Variants in ELAVL2 observed in about 807,000 individuals in gnomAD.
The protein encoded by ELAVL2 is ELAV like RNA binding protein 2.
Under a neutral mutation model 34.6 loss-of-function variants are expected in ELAVL2, and 4 were observed. The observed-to-expected ratio is 0.12, with a 90% CI of 0.06 to 0.26. The LOEUF is 0.26. Ranked by LOEUF, ELAVL2 falls within the 10% of genes least tolerant of loss-of-function variation. The pLI is 1.00. For synonymous variants in ELAVL2, 193 were observed against 154.8 expected (o/e 1.25, Z -1.83); for missense variants, 432 against 442.8 (o/e 0.98, Z 0.22).
At chr9:23,799,323 C>G (rs545178461) in intron 1 of ELAVL2, among the ~76,000 whole-genome samples, 1 of 152,172 alleles carries the variant, frequency 6.6e-6, no homozygotes, top group East Asian at 1.9e-4. Flanking sequence ...GAAAAGCAAT[C>G]CTATCTGTTA....
intron 3 of ELAVL2, among the ~76,000 whole-genome samples, chr9:23,715,440 G>A (rs1206552923): frequency 3.3e-5 from 5 of 152,188 alleles, no homozygotes; most frequent in East Asian, 1.9e-4. Flanking sequence ...GAGCCACCAC[G>A]CCCAGCTAGG....
intron 3 of ELAVL2, among the ~76,000 whole-genome samples, chr9:23,718,821 G>C (rs769475056): frequency 6.6e-6 from 1 of 152,144 alleles, no homozygotes; most frequent in African/African-American, 2.4e-5. Flanking sequence ...CATAGGGAAA[G>C]CTTTTTTTAA....
intron 1 of ELAVL2, among the ~76,000 whole-genome samples, chr9:23,770,502 C>A (rs765668863): frequency 6.6e-6 from 1 of 152,138 alleles, no homozygotes. Flanking sequence ...TCCTTGGTTA[C>A]TGAGGTGGGC....
intron 5 of ELAVL2, among the ~76,000 whole-genome samples, chr9:23,696,541 T>C (rs1466279168): frequency 6.6e-6 from 1 of 152,238 alleles, no homozygotes; most frequent in Non-Finnish European, 1.5e-5. Flanking sequence ...TGATCTCGGC[T>C]CACTGCAAAC....
chr9:23,696,296 C>T (rs1009020540), intron 5 of ELAVL2, among the ~76,000 whole-genome samples: 1 of 152,036 alleles, frequency 6.6e-6, no homozygotes, highest in Non-Finnish European at 1.5e-5. Context: ...TCAGAAAAGG[C>T]AACGGGTGCT....
intron 2 of ELAVL2, among the ~76,000 whole-genome samples, chr9:23,761,230 T>C (rs1353308667): frequency 6.6e-6 from 1 of 152,132 alleles, no homozygotes; most frequent in Non-Finnish European, 1.5e-5. Flanking sequence ...TCTGTCTACC[T>C]TCGTATATTT....
chr9:23,769,874 T>C (rs1243387251), intron 1 of ELAVL2, among the ~76,000 whole-genome samples: 2 of 152,194 alleles, frequency 1.3e-5, no homozygotes, highest in East Asian at 1.9e-4. Flanking sequence ...GTTTTGTAGT[T>C]TCAGAGCTGG....
chr9:23,826,588 GGA>G (rs2065314313), upstream of ELAVL2, among the ~76,000 whole-genome samples: 1 of 152,200 alleles, frequency 6.6e-6, no homozygotes, highest in Admixed American at 6.5e-5. Flanking sequence ...AAAGAAATGT[GGA>G]GAGAGCAACG....
intron 2 of ELAVL2, among the ~76,000 whole-genome samples, chr9:23,741,918 T>A (rs1293443039): frequency 6.6e-6 from 1 of 152,162 alleles, no homozygotes; most frequent in African/African-American, 2.4e-5. Flanking sequence ...GTTCTGGCTT[T>A]CAAGTGGCAA....
At chr9:23,795,897 C>G (rs1165296359) in intron 1 of ELAVL2, among the ~76,000 whole-genome samples, 3 of 152,172 alleles carry the variant, frequency 2.0e-5, no homozygotes, top group Non-Finnish European at 4.4e-5. Context: ...CTCCTCTTCA[C>G]AGCCCGCTCT....
the ELAVL2 span, among the ~76,000 whole-genome samples, chr9:23,832,813 C>T: frequency 6.6e-6 from 1 of 152,088 alleles, no homozygotes; most frequent in African/African-American, 2.4e-5. Context: ...AGGCTTATAT[C>T]ACTTTAGGAT....
intron 2 of ELAVL2, among the ~76,000 whole-genome samples, chr9:23,744,346 A>C (rs568409564): frequency 6.6e-6 from 1 of 152,338 alleles, no homozygotes; most frequent in South Asian, 2.1e-4. Context: ...TGTTTTACTA[A>C]ATAACTAGTT....
At chr9:23,782,844 A>G (rs941673858) in intron 1 of ELAVL2, among the ~76,000 whole-genome samples, 2 of 152,218 alleles carry the variant, frequency 1.3e-5, no homozygotes, top group African/African-American at 4.8e-5. Context: ...CCGATGTGGA[A>G]GCATAGCTAA....
At chr9:23,844,072 GA>G in the ELAVL2 span, among the ~76,000 whole-genome samples, 1 of 151,828 alleles carries the variant, frequency 6.6e-6, no homozygotes, top group Admixed American at 6.6e-5. Context: ...CTTTAAAATG[GA>G]AAAAAAGTCA....
intron 1 of ELAVL2, among the ~76,000 whole-genome samples, chr9:23,802,158 A>G (rs995451201): frequency 1.3e-5 from 2 of 152,212 alleles, no homozygotes; most frequent in African/African-American, 4.8e-5. Flanking sequence ...GAAGAAGAAA[A>G]TGCATGGAGC....
intron 1 of ELAVL2, among the ~76,000 whole-genome samples, chr9:23,817,387 C>G (rs895076005): frequency 6.6e-6 from 1 of 152,076 alleles, no homozygotes; most frequent in Non-Finnish European, 1.5e-5. Context: ...TTTCTTACAA[C>G]GAAAACCTGT....
intron 1 of ELAVL2, among the ~76,000 whole-genome samples, chr9:23,815,578 T>C (rs537451525): frequency 7.2e-5 from 11 of 152,208 alleles, no homozygotes; most frequent in Non-Finnish European, 1.0e-4. Flanking sequence ...GTCAATGTCA[T>C]TTCATTGTCA....
chr9:23,774,610 C>T (rs1254417381), intron 1 of ELAVL2, among the ~76,000 whole-genome samples: 1 of 152,120 alleles, frequency 6.6e-6, no homozygotes, highest in Non-Finnish European at 1.5e-5. Flanking sequence ...TACAGCCTTG[C>T]CTATTTTAAT....
At chr9:23,729,181 A>G (rs941493275) in intron 3 of ELAVL2, among the ~76,000 whole-genome samples, 1 of 152,150 alleles carries the variant, frequency 6.6e-6, no homozygotes, top group Non-Finnish European at 1.5e-5. Context: ...ATATTTAGTA[A>G]AAGAACTGAC....
Sources: allele counts gnomAD v4.1 joint callset (sites outside exome capture counted in the v4.1 genomes callset), GRCh38; gene constraint gnomAD v4.1.1; transcripts MANE v1.5; gene names NCBI Gene and HGNC (gene_info 2026-07-23, HGNC 2026-07-21).